The following SYN3 variants were observed in gnomAD, a reference collection of about 807,000 sequenced individuals.
The protein encoded by SYN3 is synapsin-3.
SYN3 carries 35 observed loss-of-function variants against 65.8 expected under a neutral mutation model. The observed-to-expected ratio is 0.53, with a 90% confidence interval of 0.41 to 0.70. The LOEUF is 0.70. Among genes scored for constraint, SYN3 ranks in the 30% least tolerant of loss-of-function variants. SYN3 has a pLI of 0.00. For missense variants in SYN3, 680 were observed against 749.0 expected (o/e 0.91, Z 1.08); for synonymous variants, 270 against 292.9 (o/e 0.92, Z 0.80).
intron 1 of SYN3, among the ~76,000 whole-genome samples, chr22:33,029,885 T>G (rs2053718567): frequency 6.6e-6 from 1 of 152,180 alleles, no homozygotes; most frequent in South Asian, 2.1e-4. Flanking sequence ...GAGGCACTTA[T>G]AGCTCCATTC....
At chr22:33,051,566 C>A (rs1206191557) in intron 1 of SYN3, among the ~76,000 whole-genome samples, 1 of 150,756 alleles carries the variant, frequency 6.6e-6, no homozygotes. Context: ...TAAACACAAA[C>A]AAAAAAAAAA....
At chr22:32,943,722 A>G (rs2051015247) in intron 3 of SYN3, among the ~76,000 whole-genome samples, 1 of 152,232 alleles carries the variant, frequency 6.6e-6, no homozygotes, top group South Asian at 2.1e-4. Flanking sequence ...GCAGAGACAC[A>G]CATAGACTCA....
At chr22:32,993,171 C>T (rs2052771652) in intron 2 of SYN3, among the ~76,000 whole-genome samples, 1 of 151,928 alleles carries the variant, frequency 6.6e-6, no homozygotes, top group Non-Finnish European at 1.5e-5. Flanking sequence ...ATCCAGGGAC[C>T]CAATGGCCCC....
chr22:32,729,845 T>C (rs554416321), intron 6 of SYN3, among the ~76,000 whole-genome samples: 7 of 152,300 alleles, frequency 4.6e-5, no homozygotes, highest in Admixed American at 3.3e-4. Context: ...ATGGTACCAC[T>C]TTGACCCTCA....
intron 7 of SYN3, among the ~76,000 whole-genome samples, chr22:32,594,881 A>G (rs1046230279): frequency 5.3e-5 from 8 of 152,178 alleles, no homozygotes; most frequent in African/African-American, 1.9e-4. Context: ...GAGGTGAAGA[A>G]TTATTCACGT....
intron 6 of SYN3, chr22:32,635,205 TTCTA>T (rs1216215094): frequency 1.2e-4 from 19 of 152,366 alleles, no homozygotes; most frequent in Admixed American, 2.6e-4. Flanking sequence ...AGGCTAATCT[TTCTA>T]TCTATCTGTC....
chr22:32,775,474 G>A (rs553238023), intron 6 of SYN3, among the ~76,000 whole-genome samples: 7 of 152,118 alleles, frequency 4.6e-5, no homozygotes, highest in South Asian at 2.1e-4. Flanking sequence ...GATAACTGTC[G>A]ACGAGGAGGG....
At chr22:32,804,713 G>T (rs1026862118) in intron 6 of SYN3, among the ~76,000 whole-genome samples, 1 of 152,196 alleles carries the variant, frequency 6.6e-6, no homozygotes, top group Non-Finnish European at 1.5e-5. Flanking sequence ...GGAGTTAAAA[G>T]GTGTTTCTAT....
intron 7 of SYN3, among the ~76,000 whole-genome samples, chr22:32,592,379 G>C (rs778648869): frequency 6.6e-6 from 1 of 152,134 alleles, no homozygotes; most frequent in African/African-American, 2.4e-5. Context: ...GACTTCTAAC[G>C]AACTTATGGT....
chr22:32,963,723 G>A (rs1365024711), intron 3 of SYN3, among the ~76,000 whole-genome samples: 1 of 152,190 alleles, frequency 6.6e-6, no homozygotes, highest in African/African-American at 2.4e-5. Flanking sequence ...AACGAGGCTG[G>A]TGCCAGGTTA....
chr22:32,928,788 A>T (rs1463970518), intron 4 of SYN3, among the ~76,000 whole-genome samples: 1 of 152,130 alleles, frequency 6.6e-6, no homozygotes, highest in Non-Finnish European at 1.5e-5. Flanking sequence ...ATTCTGATTA[A>T]ATGAATATTA....
At chr22:32,983,370 T>G (rs188573230) in intron 2 of SYN3, among the ~76,000 whole-genome samples, 334 of 152,240 alleles carry the variant, frequency 2.2e-3, no homozygotes, top group Non-Finnish European at 3.3e-3. Context: ...CATCACCCAT[T>G]ATTTTTCAGC....
At chr22:32,765,741 C>T (rs868737849) in intron 6 of SYN3, among the ~76,000 whole-genome samples, 1 of 152,078 alleles carries the variant, frequency 6.6e-6, no homozygotes, top group Non-Finnish European at 1.5e-5. Flanking sequence ...CTGTGCACCC[C>T]TTTGCACAGA....
At chr22:32,643,326 C>A (rs927787017) in intron 6 of SYN3, among the ~76,000 whole-genome samples, 2 of 152,084 alleles carry the variant, frequency 1.3e-5, no homozygotes, top group Non-Finnish European at 1.5e-5. Context: ...GACCCACCCA[C>A]CTCGGCCTGC....
At chr22:32,845,520 C>T (rs546002210) in intron 6 of SYN3, among the ~76,000 whole-genome samples, 29 of 152,276 alleles carry the variant, frequency 1.9e-4, no homozygotes, top group African/African-American at 5.5e-4. Context: ...TATCTCCCCA[C>T]TAGACTAGCC....
intron 1 of SYN3, among the ~76,000 whole-genome samples, chr22:33,050,467 G>T (rs1000917608): frequency 6.7e-5 from 9 of 134,884 alleles, no homozygotes; most frequent in African/African-American, 2.6e-4. Flanking sequence ...GGGTGACAGA[G>T]CGAGACTGTT....
intron 6 of SYN3, among the ~76,000 whole-genome samples, chr22:32,678,042 G>C (rs1005736776): frequency 6.6e-5 from 10 of 152,278 alleles, no homozygotes; most frequent in African/African-American, 2.4e-4. Flanking sequence ...CTCAGAGGGA[G>C]GCAGGAAGTT....
At chr22:32,993,789 G>A (rs2052795562) in intron 2 of SYN3, among the ~76,000 whole-genome samples, 1 of 152,196 alleles carries the variant, frequency 6.6e-6, no homozygotes, top group African/African-American at 2.4e-5. Context: ...AGGAGAAACA[G>A]AGGCCAGAGA....
At chr22:32,898,879 G>T (rs910909899) in intron 4 of SYN3, among the ~76,000 whole-genome samples, 3 of 152,170 alleles carry the variant, frequency 2.0e-5, no homozygotes, top group Non-Finnish European at 4.4e-5. Context: ...GAGGCGGGTG[G>T]ATCACGAGGT....
Sources: gnomAD v4.1 joint callset for allele counts (sites outside exome capture counted in the v4.1 genomes callset) on GRCh38, gnomAD v4.1.1 for gene constraint, MANE v1.5 for transcripts, NCBI Gene and HGNC (gene_info 2026-07-23, HGNC 2026-07-21) for gene names.